The following SDK1 variants were observed in gnomAD, a reference collection of about 807,000 sequenced individuals.
SDK1 encodes the protein protein sidekick-1.
Under a neutral mutation model 245.5 loss-of-function variants are expected in SDK1, and 157 were observed. The observed-to-expected ratio is 0.64, with a 90% CI of 0.56 to 0.73. The LOEUF is 0.73. Among genes scored for constraint, SDK1 ranks in the 30% least tolerant of loss-of-function variants. SDK1 has a pLI of 0.00. For synonymous variants in SDK1, 1,647 were observed against 1,278.5 expected (o/e 1.29, Z -6.15); for missense variants, 3,583 against 3,002.3 (o/e 1.19, Z -4.52).
At chr7:3,516,218 G>A (rs1246758709) in intron 1 of SDK1, among the ~76,000 whole-genome samples, 1 of 149,138 alleles carries the variant, frequency 6.7e-6, no homozygotes. Flanking sequence ...ATAACATATA[G>A]AGGTTATATA....
chr7:3,831,779 G>C (rs1238680597), intron 5 of SDK1, among the ~76,000 whole-genome samples: 1 of 152,088 alleles, frequency 6.6e-6, no homozygotes, highest in African/African-American at 2.4e-5. Context: ...AATCACCCGG[G>C]CATGTTGACT....
intron 4 of SDK1, among the ~76,000 whole-genome samples, chr7:3,647,726 T>A (rs568061240): frequency 6.6e-6 from 1 of 152,120 alleles, no homozygotes; most frequent in East Asian, 1.9e-4. Flanking sequence ...GCCCGGCCAG[T>A]TTTAGGTGGT....
chr7:3,345,914 A>G (rs1780479873), intron 1 of SDK1, among the ~76,000 whole-genome samples: 1 of 152,168 alleles, frequency 6.6e-6, no homozygotes, highest in South Asian at 2.1e-4. Context: ...GTCTGTTGGA[A>G]TTGCAGTGTC....
rs930535 is a variant in SDK1, at chr7:4,069,902, A to G, written c.3010+1966A>G. On this transcript the variant is annotated intron_variant, in intron 20 of 44. Coordinates refer to ENST00000404826, the MANE Select transcript of SDK1 (RefSeq NM_152744.4). ...GTGGTGACGTCCCACCATCACAGCC[A>G]ATGGGCATGTGCGCATTCTCTCCTC... Among the ~76,000 whole-genome samples the G allele has an allele frequency of 8.8e-3, 1,338 of 152,222 alleles. 17 individuals carry two copies. The highest frequency in any genetic ancestry group is 0.031 in the South Asian group (148 of 4,830).
At chr7:4,101,166 T>TG (rs1782512273) in intron 22 of SDK1, among the ~76,000 whole-genome samples, 1 of 151,394 alleles carries the variant, frequency 6.6e-6, no homozygotes, top group African/African-American at 2.4e-5. Flanking sequence ...TTTTTTTTTT[T>TG]GAGACGGAGT....
At chr7:3,831,191 C>A (rs1030489910) in intron 5 of SDK1, among the ~76,000 whole-genome samples, 1 of 152,086 alleles carries the variant, frequency 6.6e-6, no homozygotes, top group Non-Finnish European at 1.5e-5. Flanking sequence ...GGTTATTGGC[C>A]GAGATGAGAC....
intron 1 of SDK1, among the ~76,000 whole-genome samples, chr7:3,537,446 A>G (rs1343957817): frequency 1.3e-5 from 2 of 152,146 alleles, no homozygotes; most frequent in African/African-American, 4.8e-5. Flanking sequence ...CCGACTGGAA[A>G]TCCGCTTGCT....
chr7:3,405,269 A>C (rs1160490844), intron 1 of SDK1, among the ~76,000 whole-genome samples: 1 of 152,094 alleles, frequency 6.6e-6, no homozygotes, highest in African/African-American at 2.4e-5. Context: ...CTGGTATTAT[A>C]GGAGTTGAAG....
chr7:3,778,429 C>T (rs905888499), intron 4 of SDK1, among the ~76,000 whole-genome samples: 5 of 151,934 alleles, frequency 3.3e-5, no homozygotes, highest in Admixed American at 2.0e-4. Context: ...TCCCATTGCA[C>T]GGTTTCTTAA....
At chr7:3,933,123 C>CTTTTTT (rs11364780) in intron 5 of SDK1, among the ~76,000 whole-genome samples, 10 of 83,270 alleles carry the variant, frequency 1.2e-4, no homozygotes, top group African/African-American at 3.9e-4. Flanking sequence ...GCTCCTGGAT[C>CTTTTTT]TTTTTTTTTT....
At chr7:3,405,325 A>G (rs989907479) in intron 1 of SDK1, among the ~76,000 whole-genome samples, 18 of 152,134 alleles carry the variant, frequency 1.2e-4, no homozygotes, top group African/African-American at 4.1e-4. Flanking sequence ...CTTAGACCCA[A>G]TGTGTCCAGA....
intron 1 of SDK1, among the ~76,000 whole-genome samples, chr7:3,612,983 C>G (rs1280488541): frequency 6.6e-6 from 1 of 151,832 alleles, no homozygotes; most frequent in African/African-American, 2.4e-5. Flanking sequence ...TTCATTATCT[C>G]TTTAAAATGC....
intron 4 of SDK1, among the ~76,000 whole-genome samples, chr7:3,744,256 T>A (rs1450031594): frequency 6.6e-6 from 1 of 151,948 alleles, no homozygotes; most frequent in Non-Finnish European, 1.5e-5. Flanking sequence ...TCTCTCCAAT[T>A]ACTGCCGAAC....
In SDK1 at chr7:3,895,218, A is replaced by G. The variant is rs543446651; in HGVS notation, c.848-55705A>G. Reference sequence around the variant, plus strand: ...ATAGAGTCATCTCATCATCACTGTAATAAATCATTCTTATATTTATTTATT... The same window carrying G: ...ATAGAGTCATCTCATCATCACTGTAGTAAATCATTCTTATATTTATTTATT... On this transcript the variant is annotated intron_variant, in intron 5 of 44. Coordinates refer to ENST00000404826, the MANE Select transcript of SDK1 (RefSeq NM_152744.4). Among the ~76,000 whole-genome samples, 8 of 152,314 alleles carry G rather than the reference A, an allele frequency of 5.3e-5. No individual in the cohort carries two copies. In the South Asian group the frequency reaches 1.0e-3, roughly 20 times the overall value.
chr7:3,694,577 T>G (rs937283709), intron 4 of SDK1, among the ~76,000 whole-genome samples: 136 of 150,792 alleles, frequency 9.0e-4, no homozygotes, highest in Non-Finnish European at 1.7e-3. Flanking sequence ...TTTATGTTGG[T>G]GGGGGGGGAA....
intron 4 of SDK1, among the ~76,000 whole-genome samples, chr7:3,676,241 A>C (rs1783891357): frequency 6.6e-6 from 1 of 150,690 alleles, no homozygotes; most frequent in Non-Finnish European, 1.5e-5. Context: ...CTGGTCTCAA[A>C]CTCCTGGGCT....
chr7:4,070,527 CTG>C (rs892521982), intron 20 of SDK1, among the ~76,000 whole-genome samples: 2 of 152,092 alleles, frequency 1.3e-5, no homozygotes, highest in African/African-American at 4.8e-5. Flanking sequence ...CAGTGGGAGA[CTG>C]TGTTCCTACA....
intron 19 of SDK1, among the ~76,000 whole-genome samples, chr7:4,054,316 A>G (rs1345445360): frequency 1.3e-5 from 2 of 152,166 alleles, no homozygotes; most frequent in African/African-American, 4.8e-5. Context: ...GACCGTGTAC[A>G]TTTAGCCCAG....
intron 4 of SDK1, among the ~76,000 whole-genome samples, chr7:3,680,667 C>A (rs1784073055): frequency 6.6e-6 from 1 of 152,056 alleles, no homozygotes; most frequent in Non-Finnish European, 1.5e-5. Flanking sequence ...TACAGGTTTG[C>A]ATCTTTTAAT....
Sources: allele counts gnomAD v4.1 joint callset (sites outside exome capture counted in the v4.1 genomes callset), GRCh38; gene constraint gnomAD v4.1.1; transcripts MANE v1.5; gene names NCBI Gene and HGNC (gene_info 2026-07-23, HGNC 2026-07-21).